Variants in ANKS1A observed in about 807,000 individuals in gnomAD.
ANKS1A encodes the protein ankyrin repeat and sterile alpha motif domain containing 1A, also known as ankyrin repeat and SAM domain-containing protein 1A.
In ANKS1A, 55 loss-of-function variants were observed where a neutral mutation model predicts 120.3. That is an observed-to-expected ratio of 0.46 (90% CI 0.37 to 0.57). The LOEUF (loss-of-function observed/expected upper bound fraction) is 0.57, where lower values mean the gene tolerates loss of function less well. ANKS1A is among the 20% of genes least tolerant of loss of function. The probability of loss-of-function intolerance (pLI) is 0.00; values close to 1 mark genes in which losing one functional copy is unlikely to be tolerated. For missense variants in ANKS1A, 1,123 were observed against 1,480.3 expected (o/e 0.76, Z 3.96); for synonymous variants, 590 against 604.7 (o/e 0.98, Z 0.36).
intron 11 of ANKS1A, among the ~76,000 whole-genome samples, chr6:35,025,809 A>G (rs899066637): frequency 6.6e-6 from 1 of 151,686 alleles, no homozygotes; most frequent in Non-Finnish European, 1.5e-5. Flanking sequence ...CATTTTTTCC[A>G]GGGTTGACCC....
intron 13 of ANKS1A, among the ~76,000 whole-genome samples, chr6:35,071,598 G>C (rs186654230): frequency 6.6e-6 from 1 of 152,086 alleles, no homozygotes; most frequent in Admixed American, 6.5e-5. Context: ...GGCCTAGAGG[G>C]GGGGTCCATT....
Position 35,086,015 on chromosome 6 carries a change from G to T in ANKS1A, c.3303+79G>T. The T allele has an allele frequency of 6.8e-7, 1 of 1,475,270 alleles. No individual in the cohort carries two copies. Among genetic ancestry groups the T allele is most frequent in the South Asian group, 1.4e-5 (1 of 72,534 alleles). 91.4% of individuals were successfully genotyped at this position (1,475,270 alleles called of 1,614,324 possible). A position where few individuals can be genotyped will look rare whatever the true frequency, so the allele number is the denominator to read the frequency against. Reference sequence around the variant, plus strand: ...GGGCTCAGGGTGGTCAGCGTGAGGAGGGTCTTCTGGCACTTCCAGAAAGCT... The same window carrying T: ...GGGCTCAGGGTGGTCAGCGTGAGGATGGTCTTCTGGCACTTCCAGAAAGCT... On this transcript the variant is annotated intron_variant, in intron 22 of 23. Transcript: ENST00000360359. The surrounding 1 kb of genome is among the most constrained non-coding windows in gnomAD (Gnocchi z 5.1).
intron 1 of ANKS1A, among the ~76,000 whole-genome samples, chr6:34,944,291 G>T (rs1001447684): frequency 2.0e-5 from 3 of 151,896 alleles, no homozygotes; most frequent in Non-Finnish European, 2.9e-5. Flanking sequence ...AAAAAAAGTG[G>T]ACATATTATT....
rs1776320010 is a variant in ANKS1A at position 35,058,455 on chromosome 6, G to C, written c.2078-1692G>C. ...GGCAGGGGAGCTCAAGTATCCCCCAGACTCGGCATCTTGGAGCGCTGCGGC... is the reference window on the plus strand; with the variant it reads ...GGCAGGGGAGCTCAAGTATCCCCCACACTCGGCATCTTGGAGCGCTGCGGC... On this transcript the variant is annotated intron_variant, in intron 12 of 23. Coordinates refer to ENST00000360359, the MANE Select transcript of ANKS1A (RefSeq NM_015245.3). This position sits in a 1 kb window ranked among gnomAD's most constrained non-coding sequence, Gnocchi z 5.1. The C allele has an allele frequency of 6.6e-6, 1 of 152,264 alleles. No homozygotes were observed. The highest frequency in any genetic ancestry group is 2.4e-5 in the African/African-American group (1 of 41,470). The allele number at this position is 152,264 out of a possible 1,614,324, so 9.4% of individuals were successfully genotyped here.
chr6:34,964,241 G>A (rs1204792370), intron 1 of ANKS1A, among the ~76,000 whole-genome samples: 7 of 151,900 alleles, frequency 4.6e-5, no homozygotes, highest in Admixed American at 3.9e-4. Context: ...TTTTCCTTGC[G>A]CATAGATGAT....
chr6:34,889,729 A>C lies in ANKS1A; in HGVS notation c.197+130A>C. ...GCTTGTGGCGTGCCCGGGGCGAGGCAGGCGGCCCGCGGGCCAGGGTACCGG... is the reference window on the plus strand; with the variant it reads ...GCTTGTGGCGTGCCCGGGGCGAGGCCGGCGGCCCGCGGGCCAGGGTACCGG... On this transcript the variant is annotated intron_variant, in intron 1 of 23. Coordinates refer to ENST00000360359, the MANE Select transcript of ANKS1A (RefSeq NM_015245.3). This position sits in a 1 kb window ranked among gnomAD's most constrained non-coding sequence, Gnocchi z 5.5. 8.7e-7 allele frequency: 1 copy of C among 1,145,708 alleles called. No homozygotes were observed. Among genetic ancestry groups the C allele is most frequent in the South Asian group, 4.4e-5 (1 of 22,852 alleles). The allele number at this position is 1,145,708 out of a possible 1,614,324, so 71.0% of individuals were successfully genotyped here. A position where few individuals can be genotyped will look rare whatever the true frequency, so the allele number is the denominator to read the frequency against.
At chr6:34,967,995 A>G (rs544133662) in intron 2 of ANKS1A, among the ~76,000 whole-genome samples, 4 of 152,248 alleles carry the variant, frequency 2.6e-5, no homozygotes, top group South Asian at 2.1e-4. Context: ...TAACTGCTCA[A>G]TAAACTGAAA....
chr6:35,024,674 G>A (rs1774518003), intron 11 of ANKS1A, among the ~76,000 whole-genome samples: 1 of 152,172 alleles, frequency 6.6e-6, no homozygotes, highest in African/African-American at 2.4e-5. Context: ...TGAAGTGGCA[G>A]CAACTGGGAG....
At position 35,058,590 on chromosome 6, in the gene ANKS1A, C is replaced by T. The variant is rs1383369470; in HGVS notation, c.2078-1557C>T. ...TGGTCACCAGGGTCTTGTAGATAAC[C>T]AAGGAAGTTGGCATTGTCCTGCCCC... is the stretch of plus-strand genomic sequence containing the variant. On this transcript the variant is annotated intron_variant, in intron 12 of 23. Transcript: ENST00000360359. This position sits in a 1 kb window ranked among gnomAD's most constrained non-coding sequence, Gnocchi z 5.1. 1.3e-5 allele frequency: 2 copies of T among 152,296 alleles called. No homozygotes were observed. The highest frequency in any genetic ancestry group is 6.5e-5 in the Admixed American group (1 of 15,286). The allele number at this position is 152,296 out of a possible 1,614,324, so 9.4% of individuals were successfully genotyped here. A position where few individuals can be genotyped will look rare whatever the true frequency, so the allele number is the denominator to read the frequency against.
In ANKS1A at chr6:34,970,092, G is replaced by A. The variant is rs1771105024; in HGVS notation, c.361G>A (p.Ala121Thr). The A allele has an allele frequency of 6.2e-7, 1 of 1,613,942 alleles. No homozygotes were observed. The highest frequency in any genetic ancestry group is 1.1e-5 in the South Asian group (1 of 91,056). The change falls in exon 3 of 24, where the codon GCC (alanine) becomes ACC (threonine). Residue 121 changes from alanine to threonine, a missense_variant. By Grantham distance (58) the Ala-to-Thr change is moderately conservative (BLOSUM62 0). This residue lies in a region of ANKS1A where 146 missense variants were observed against 267.8 expected (regional missense o/e 0.55). Transcript: ENST00000360359. ...SKGCYPLHLA[A>T]WKGDAQIVRL... is the part of the protein sequence containing the mutation. ...AGGCTGCTACCCTCTGCATTTGGCA[G>A]CCTGGAAAGGAGATGCCCAGATAGT...
chr6:35,005,642 A>G, intron 10 of ANKS1A: 1 of 410,490 alleles, frequency 2.4e-6, no homozygotes. Context: ...AGAAAAGTAA[A>G]AGTAAAGAAA....
Position 35,060,781 on chromosome 6 carries a change from A to G in ANKS1A, c.2184+528A>G, listed in dbSNP as rs1776455812. ...CTGGAGGATTGGTTGCTTCTTTGAG[A>G]AGCTCTCTCACAAAACACAAAGGGC... On this transcript the variant is annotated intron_variant, in intron 13 of 23. Transcript: ENST00000360359. The surrounding 1 kb of genome is among the most constrained non-coding windows in gnomAD (Gnocchi z 4.5). Among the ~76,000 whole-genome samples the G allele has an allele frequency of 6.6e-6, 1 of 152,150 alleles. No individual in the cohort carries two copies. Among genetic ancestry groups the G allele is most frequent in the Non-Finnish European group, 1.5e-5 (1 of 68,024 alleles).
intron 13 of ANKS1A, among the ~76,000 whole-genome samples, chr6:35,067,553 G>C (rs1014262496): frequency 6.6e-6 from 1 of 152,158 alleles, no homozygotes; most frequent in African/African-American, 2.4e-5. Context: ...CGTCGCCACA[G>C]GTGTTGATAA....
chr6:34,982,937 T>G lies in ANKS1A; in HGVS notation c.808+110T>G, dbSNP rs1771978498. ...GCTGTGTTTGAACTCAATGTATGTG[T>G]ATCTCCACTGGTTGATTACAAGTGT... is the stretch of plus-strand genomic sequence containing the variant. On this transcript the variant is annotated intron_variant, in intron 5 of 23. Transcript: ENST00000360359. This position sits in a 1 kb window ranked among gnomAD's most constrained non-coding sequence, Gnocchi z 4.9. The G allele has an allele frequency of 7.4e-7, 1 of 1,347,032 alleles. No individual in the cohort carries two copies. The highest frequency in any genetic ancestry group is 1.1e-6 in the Non-Finnish European group (1 of 941,798). The allele number at this position is 1,347,032 out of a possible 1,614,324, so 83.4% of individuals were successfully genotyped here. A position where few individuals can be genotyped will look rare whatever the true frequency, so the allele number is the denominator to read the frequency against.
intron 1 of ANKS1A, among the ~76,000 whole-genome samples, chr6:34,891,661 C>A (rs1280041093): frequency 9.2e-5 from 14 of 152,068 alleles, no homozygotes; most frequent in Admixed American, 8.5e-4. Context: ...CGGAGTCTCG[C>A]TCTGTCCACA....
chr6:34,981,051 CT>C (rs1452350898), intron 3 of ANKS1A, among the ~76,000 whole-genome samples: 11 of 152,262 alleles, frequency 7.2e-5, no homozygotes, highest in African/African-American at 2.6e-4. Flanking sequence ...GTGCAGGCTC[CT>C]GGGGTAGGCA....
At chr6:34,929,883 T>G (rs965812344) in intron 1 of ANKS1A, among the ~76,000 whole-genome samples, 5 of 151,728 alleles carry the variant, frequency 3.3e-5, no homozygotes, top group African/African-American at 1.2e-4. Context: ...CTCTGTGTGT[T>G]TGTTTTGCTT....
At position 35,090,517 on chromosome 6, in the gene ANKS1A, T is replaced by C; in HGVS notation, c.*1908T>C. Reference sequence around the variant, plus strand: ...CTGCTTGAAGCTGCTATATCATCTTTATTTATTCAGGGTATTTTCATATTG... The same window carrying C: ...CTGCTTGAAGCTGCTATATCATCTTCATTTATTCAGGGTATTTTCATATTG... On this transcript the variant is annotated 3_prime_UTR_variant, in exon 24 of 24. Coordinates refer to ENST00000360359, the MANE Select transcript of ANKS1A (RefSeq NM_015245.3). 1 of 1,056,142 alleles carries C rather than the reference T, an allele frequency of 9.5e-7. No individual in the cohort carries two copies. Among genetic ancestry groups the C allele is most frequent in the East Asian group, 8.5e-5 (1 of 11,800 alleles). 65.4% of individuals were successfully genotyped at this position (1,056,142 alleles called of 1,614,324 possible).
At chr6:35,051,491 C>A (rs2127584425) in intron 11 of ANKS1A, among the ~76,000 whole-genome samples, 1 of 152,222 alleles carries the variant, frequency 6.6e-6, no homozygotes, top group East Asian at 1.9e-4. Flanking sequence ...ACCATTTCAG[C>A]CCTTTCCTTC....
Sources: allele counts gnomAD v4.1 joint callset (sites outside exome capture counted in the v4.1 genomes callset), GRCh38; gene constraint gnomAD v4.1.1; regional missense constraint gnomAD v4.1.1; non-coding constraint Gnocchi (gnomAD v3.1); transcripts MANE v1.5; gene names NCBI Gene and HGNC (gene_info 2026-07-23, HGNC 2026-07-21).